Variants in LARP4 observed in about 807,000 individuals in gnomAD.
The protein encoded by LARP4 is la-related protein 4.
A neutral mutation model predicts 92.9 loss-of-function variants in LARP4; 29 were observed. That is an observed-to-expected ratio of 0.31 (90% CI 0.23 to 0.43). The LOEUF (loss-of-function observed/expected upper bound fraction) is 0.43. Among genes scored for constraint, LARP4 ranks in the 20% least tolerant of loss-of-function variants. LARP4 has a pLI of 1.00. For missense variants in LARP4, 732 were observed against 860.0 expected (o/e 0.85, Z 1.86); for synonymous variants, 279 against 284.1 (o/e 0.98, Z 0.18).
chr12:50,475,841 G>A lies in LARP4; in HGVS notation c.2152G>A (p.Val718Met). The change falls in exon 16 of 16, where the codon GTG (valine) becomes ATG (methionine). Residue 718 changes from valine to methionine, a missense_variant. Physicochemically the swap from Val to Met is conservative, Grantham distance 21. Transcript: ENST00000398473. ...VTRRNGKEQY[V>M]PPRSPK Reference sequence around the variant, plus strand: ...TCGACGTAATGGCAAAGAGCAATATGTGCCACCCAGATCACCAAAGTAAAA... The same window carrying A: ...TCGACGTAATGGCAAAGAGCAATATATGCCACCCAGATCACCAAAGTAAAA... 6.2e-7 allele frequency: 1 copy of A among 1,613,222 alleles called. No homozygotes were observed. Among genetic ancestry groups the A allele is most frequent in the Non-Finnish European group, 8.5e-7 (1 of 1,179,554 alleles).
rs372344871 is a variant in LARP4 at position 50,428,886 on chromosome 12, T to C, written c.167-49T>C. 7.7e-4 allele frequency: 1,115 copies of C among 1,442,468 alleles called. 2 individuals carry two copies. The highest frequency in any genetic ancestry group is 9.9e-4 in the Non-Finnish European group (1,052 of 1,066,596). 89.4% of individuals were successfully genotyped at this position (1,442,468 alleles called of 1,614,324 possible). A position where few individuals can be genotyped will look rare whatever the true frequency, so the allele number is the denominator to read the frequency against. ...ACATACTGCCCAGAGTTCCTGAGAATAGAATTTAAATAATTCCCATTTACT... is the reference window on the plus strand; with the variant it reads ...ACATACTGCCCAGAGTTCCTGAGAACAGAATTTAAATAATTCCCATTTACT... On this transcript the variant is annotated intron_variant, in intron 2 of 15. Transcript: ENST00000398473.
At chr12:50,452,388 G>T (rs192706025) in intron 8 of LARP4, among the ~76,000 whole-genome samples, 14 of 152,092 alleles carry the variant, frequency 9.2e-5, no homozygotes, top group Non-Finnish European at 1.5e-5. Flanking sequence ...CACCATTTTG[G>T]CCAGGCTGGT....
At position 50,474,024 on chromosome 12, in the gene LARP4, A is replaced by C. The variant is rs753170552; in HGVS notation, c.1693A>C (p.Ile565Leu). 7 of 1,611,978 alleles carry C rather than the reference A, an allele frequency of 4.3e-6. No homozygotes were observed. In the East Asian group the frequency reaches 1.6e-4, roughly 36 times the overall value. ...CACAACTCAGCAAGAAAAGGATCTA[A>C]TAGAAGATTCCTCTGTTCAGAAGGA... ...LSTTQQEKDL[I>L]EDSSVQKDGL... Residue 565 changes from isoleucine to leucine, a missense_variant, in exon 15 of 16, where the codon ATA becomes CTA. Physicochemically the swap from Ile to Leu is conservative, Grantham distance 5. This residue lies in a region of LARP4 where 97 missense variants were observed against 85.9 expected (regional missense o/e 1.13). Transcript: ENST00000398473.
chr12:50,454,074 G>A lies in LARP4; in HGVS notation c.1018-240G>A, dbSNP rs1053737980. ...AAAGAAGAGACTGGATAACTTTTGC[G>A]TGATTTTAAATGCATTTTAGTGTTG... On this transcript the variant is annotated intron_variant, in intron 9 of 15. Coordinates refer to ENST00000398473, the MANE Select transcript of LARP4 (RefSeq NM_052879.5). Among the ~76,000 whole-genome samples, 9 of 152,274 alleles carry A rather than the reference G, an allele frequency of 5.9e-5. No individual in the cohort carries two copies. The East Asian group carries it at 7.7e-4, about 13-fold the overall frequency.
intron 1 of LARP4, among the ~76,000 whole-genome samples, chr12:50,418,216 A>G (rs1246016787): frequency 6.6e-6 from 1 of 151,782 alleles, no homozygotes; most frequent in African/African-American, 2.4e-5. Context: ...GGCCAGGCTG[A>G]TCTTGAACTC....
intron 8 of LARP4, among the ~76,000 whole-genome samples, chr12:50,444,668 G>A (rs919867260): frequency 6.6e-6 from 1 of 152,178 alleles, no homozygotes; most frequent in South Asian, 2.1e-4. Flanking sequence ...CTAAAGTTCT[G>A]TGATTTAGAA....
chr12:50,448,360 A>T (rs1484114263), intron 8 of LARP4, among the ~76,000 whole-genome samples: 2 of 152,144 alleles, frequency 1.3e-5, no homozygotes, highest in Non-Finnish European at 2.9e-5. Context: ...ATAAGACTGA[A>T]ACTCTATAAA....
intron 1 of LARP4, among the ~76,000 whole-genome samples, chr12:50,422,034 A>T (rs1438963829): frequency 6.0e-5 from 9 of 149,526 alleles, no homozygotes; most frequent in Admixed American, 6.8e-5. Flanking sequence ...CAGTGGCGTG[A>T]TCACTGCTTA....
chr12:50,466,920 G>T (rs1407489973), intron 12 of LARP4, 39 bp from the exon 13 acceptor site: 3 of 1,579,548 alleles, frequency 1.9e-6, no homozygotes, highest in Non-Finnish European at 2.6e-6. Flanking sequence ...TAGGGAATGA[G>T]ATAGCCATGT....
intron 1 of LARP4, among the ~76,000 whole-genome samples, chr12:50,414,611 T>C (rs1946456595): frequency 6.6e-6 from 1 of 152,202 alleles, no homozygotes; most frequent in South Asian, 2.1e-4. Context: ...CCTATACCTA[T>C]ATATTTATCT....
At chr12:50,434,550 C>T (rs1335691962) in intron 4 of LARP4, among the ~76,000 whole-genome samples, 1 of 151,216 alleles carries the variant, frequency 6.6e-6, no homozygotes, top group East Asian at 2.0e-4. Context: ...CCCCGAGTAG[C>T]ACCCACCACC....
Position 50,477,159 on chromosome 12 carries a change from A to AT in LARP4, c.*1301dup, listed in dbSNP as rs747764125. On this transcript the variant is annotated 3_prime_UTR_variant, in exon 16 of 16. Transcript: ENST00000398473. ...TGAAACAGTACCAGCAAGTCATGAG[A>AT]TTTTTTAGTAAAGATGAGAAAGATG... The AT allele has an allele frequency of 8.5e-5, 13 of 152,634 alleles. No homozygotes were observed. Among genetic ancestry groups the AT allele is most frequent in the Non-Finnish European group, 1.3e-4 (9 of 67,996 alleles). 9.5% of individuals were successfully genotyped at this position (152,634 alleles called of 1,614,324 possible). A position where few individuals can be genotyped will look rare whatever the true frequency, so the allele number is the denominator to read the frequency against.
rs1370905774 is a variant in LARP4, at chr12:50,477,021, ATT to A, written c.*1164_*1165del. 1 of 152,286 alleles carries A rather than the reference ATT, an allele frequency of 6.6e-6. No individual in the cohort carries two copies. Among genetic ancestry groups the A allele is most frequent in the Non-Finnish European group, 1.5e-5 (1 of 67,984 alleles). 9.4% of individuals were successfully genotyped at this position (152,286 alleles called of 1,614,324 possible). A position where few individuals can be genotyped will look rare whatever the true frequency, so the allele number is the denominator to read the frequency against. On this transcript the variant is annotated 3_prime_UTR_variant, in exon 16 of 16. Coordinates refer to ENST00000398473, the MANE Select transcript of LARP4 (RefSeq NM_052879.5). ...TGTTAAATAATGTAGAAGTAAAAAA[ATT>A]TTTTTTAAAGGCTTAATTTGGGAGG...
rs1187305471 is a variant in LARP4 at position 50,429,101 on chromosome 12, T to C, written c.322+11T>C. ...TATATGATGTTTCCGGTAAACTTTA[T>C]GGTTTTATTGTTAAAATGAGAATTC... is the stretch of plus-strand genomic sequence containing the variant. On this transcript the variant is annotated intron_variant, in intron 3 of 15. Coordinates refer to ENST00000398473, the MANE Select transcript of LARP4 (RefSeq NM_052879.5). The C allele has an allele frequency of 7.5e-6, 12 of 1,606,288 alleles. No homozygotes were observed. The highest frequency in any genetic ancestry group is 1.0e-5 in the Non-Finnish European group (12 of 1,175,408).
At chr12:50,429,788 G>A (rs888384321) in intron 3 of LARP4, among the ~76,000 whole-genome samples, 1 of 151,886 alleles carries the variant, frequency 6.6e-6, no homozygotes, top group African/African-American at 2.4e-5. Context: ...ACAGGCACGC[G>A]CCACCACACC....
At chr12:50,407,864 A>G (rs1333518047) in intron 1 of LARP4, among the ~76,000 whole-genome samples, 1 of 152,162 alleles carries the variant, frequency 6.6e-6, no homozygotes, top group Non-Finnish European at 1.5e-5. Flanking sequence ...TAAAATGCAA[A>G]TAGGCACTTT....
At chr12:50,451,974 G>GC (rs1291064901) in intron 8 of LARP4, among the ~76,000 whole-genome samples, 1 of 152,130 alleles carries the variant, frequency 6.6e-6, no homozygotes, top group Non-Finnish European at 1.5e-5. Context: ...CTGCACTCCA[G>GC]CCTGGGCGAC....
chr12:50,452,356 G>GT (rs1174547727), intron 8 of LARP4, among the ~76,000 whole-genome samples: 1 of 151,840 alleles, frequency 6.6e-6, no homozygotes, highest in African/African-American at 2.4e-5. Flanking sequence ...TGATTTTTGT[G>GT]TTTTTGGTAG....
chr12:50,441,280 T>G, intron 7 of LARP4: 2 of 210,860 alleles, frequency 9.5e-6, no homozygotes, highest in Non-Finnish European at 1.9e-5. Context: ...CACTCACAGA[T>G]TTTTATTTTT....
Sources: allele counts gnomAD v4.1 joint callset (sites outside exome capture counted in the v4.1 genomes callset), GRCh38; gene constraint gnomAD v4.1.1; regional missense constraint gnomAD v4.1.1; transcripts MANE v1.5; gene names NCBI Gene and HGNC (gene_info 2026-07-23, HGNC 2026-07-21).